The following SEMA5A variants were observed in gnomAD, a reference collection of about 807,000 sequenced individuals.
SEMA5A encodes the protein semaphorin-5A.
Under a neutral mutation model 135.5 loss-of-function variants are expected in SEMA5A, and 55 were observed. That is an observed-to-expected ratio of 0.41 (90% CI 0.33 to 0.51). The LOEUF is 0.51. Among genes scored for constraint, SEMA5A ranks in the 20% least tolerant of loss-of-function variants. SEMA5A has a pLI of 0.37. For missense variants in SEMA5A, 1,290 were observed against 1,419.9 expected (o/e 0.91, Z 1.47); for synonymous variants, 580 against 546.5 (o/e 1.06, Z -0.85).
intron 3 of SEMA5A, among the ~76,000 whole-genome samples, chr5:9,344,445 T>C (rs1047588125): frequency 2.6e-5 from 4 of 152,214 alleles, no homozygotes; most frequent in Non-Finnish European, 5.9e-5. Context: ...TTATCAAAAA[T>C]GGTAGTTGTA....
At chr5:9,117,580 A>C (rs1180821766) in intron 15 of SEMA5A, among the ~76,000 whole-genome samples, 4 of 152,212 alleles carry the variant, frequency 2.6e-5, no homozygotes, top group African/African-American at 7.2e-5. Context: ...AATTTTTTGC[A>C]TAAAACAAAG....
intron 5 of SEMA5A, among the ~76,000 whole-genome samples, chr5:9,301,567 C>T (rs945715511): frequency 2.0e-5 from 3 of 152,108 alleles, no homozygotes; most frequent in South Asian, 4.1e-4. Context: ...TGGAAAGACT[C>T]CATATGGTGA....
At position 9,166,283 on chromosome 5, in the gene SEMA5A, T is replaced by G. The variant is rs956349105; in HGVS notation, c.1274-11588A>C. ...CATAGTAGGTGCTCAAGCAGAGACA[T>G]GTTCATTGTGTGGCCTCTGGGGCAC... On this transcript the variant is annotated intron_variant, in intron 11 of 22. Transcript: ENST00000382496. Among the ~76,000 whole-genome samples the G allele has an allele frequency of 2.0e-5, 3 of 152,076 alleles. No homozygotes were observed. In the East Asian group the frequency reaches 5.8e-4, roughly 29 times the overall value.
intron 11 of SEMA5A, among the ~76,000 whole-genome samples, chr5:9,166,712 C>A (rs1743628023): frequency 6.6e-6 from 1 of 152,150 alleles, no homozygotes; most frequent in African/African-American, 2.4e-5. Context: ...AGGAAATTTA[C>A]CACTGCATTT....
In SEMA5A at chr5:9,037,887, C is replaced by G. The variant is rs1019778465; in HGVS notation, c.*5010G>C. 6.6e-6 allele frequency: 1 copy of G among 152,184 alleles called. No individual in the cohort carries two copies. Among genetic ancestry groups the G allele is most frequent in the Non-Finnish European group, 1.5e-5 (1 of 68,034 alleles). The allele number at this position is 152,184 out of a possible 1,614,324, so 9.4% of individuals were successfully genotyped here. A position where few individuals can be genotyped will look rare whatever the true frequency, so the allele number is the denominator to read the frequency against. The stretch of plus-strand genomic sequence containing the variant: ...TAAATTTCACGATGATCCCCTGTCC[C>G]CAAACATTTTATCTTACATTGTGCA... On this transcript the variant is annotated 3_prime_UTR_variant, in exon 23 of 23. Transcript: ENST00000382496.
chr5:9,221,507 T>G (rs1181049138), intron 8 of SEMA5A, among the ~76,000 whole-genome samples: 5 of 151,674 alleles, frequency 3.3e-5, no homozygotes, highest in Non-Finnish European at 5.9e-5. Context: ...TTTCACAGTG[T>G]TAGCCAGGAT....
At chr5:9,103,532 G>A (rs1203205571) in intron 16 of SEMA5A, among the ~76,000 whole-genome samples, 1 of 152,036 alleles carries the variant, frequency 6.6e-6, no homozygotes, top group Non-Finnish European at 1.5e-5. Context: ...TTTGTATCTA[G>A]GAAATAAATA....
intron 12 of SEMA5A, among the ~76,000 whole-genome samples, chr5:9,141,290 T>C (rs1742052427): frequency 6.6e-6 from 1 of 152,244 alleles, no homozygotes; most frequent in Non-Finnish European, 1.5e-5. Flanking sequence ...GTGGCTTTTC[T>C]GTATTCCACT....
At chr5:9,494,306 T>C (rs1735190010) in intron 1 of SEMA5A, among the ~76,000 whole-genome samples, 1 of 152,152 alleles carries the variant, frequency 6.6e-6, no homozygotes, top group South Asian at 2.1e-4. Context: ...AAATAGAACA[T>C]CAAGGCAGTA....
At chr5:9,379,589 G>C (rs919009113) in intron 3 of SEMA5A, among the ~76,000 whole-genome samples, 1 of 152,204 alleles carries the variant, frequency 6.6e-6, no homozygotes, top group Non-Finnish European at 1.5e-5. Context: ...GAAATAATGA[G>C]ATTTTTTTAC....
chr5:9,444,596 G>A (rs1419104496), intron 1 of SEMA5A, among the ~76,000 whole-genome samples: 1 of 152,036 alleles, frequency 6.6e-6, no homozygotes, highest in East Asian at 1.9e-4. Flanking sequence ...TTCATTGGTG[G>A]GCATTTTGGT....
At chr5:9,383,381 G>A (rs1033593045) in intron 2 of SEMA5A, among the ~76,000 whole-genome samples, 2 of 152,134 alleles carry the variant, frequency 1.3e-5, no homozygotes, top group African/African-American at 2.4e-5. Context: ...ATATCAGTTC[G>A]GGTAAATTAT....
At chr5:9,500,183 CA>C (rs1369295573) in intron 1 of SEMA5A, among the ~76,000 whole-genome samples, 14 of 152,284 alleles carry the variant, frequency 9.2e-5, no homozygotes, top group African/African-American at 3.1e-4. Flanking sequence ...GTCAATTTAG[CA>C]CCAGTTTATA....
intron 5 of SEMA5A, among the ~76,000 whole-genome samples, chr5:9,240,611 C>A (rs980038450): frequency 1.3e-5 from 2 of 151,858 alleles, no homozygotes; most frequent in African/African-American, 4.8e-5. Context: ...TACCTCCTCT[C>A]TGTGGGTTCT....
chr5:9,260,814 T>C (rs1168144921), intron 5 of SEMA5A, among the ~76,000 whole-genome samples: 1 of 60,180 alleles, frequency 1.7e-5, no homozygotes, highest in African/African-American at 5.6e-5. Flanking sequence ...ACTGGAAGCA[T>C]TCCCTTTGAA....
intron 2 of SEMA5A, among the ~76,000 whole-genome samples, chr5:9,394,936 G>T (rs174860): frequency 1.3e-5 from 2 of 151,758 alleles, no homozygotes; most frequent in African/African-American, 4.8e-5. Context: ...AAATAGAGAA[G>T]AAAAACTCCA....
intron 3 of SEMA5A, among the ~76,000 whole-genome samples, chr5:9,375,202 T>C (rs1755313414): frequency 6.6e-6 from 1 of 152,218 alleles, no homozygotes; most frequent in Non-Finnish European, 1.5e-5. Context: ...CTGCCTTTTA[T>C]GTGTCCTCCC....
intron 5 of SEMA5A, among the ~76,000 whole-genome samples, chr5:9,310,152 G>A (rs1320319018): frequency 6.6e-6 from 1 of 152,134 alleles, no homozygotes; most frequent in Non-Finnish European, 1.5e-5. Context: ...TAAAGGAAGA[G>A]AGAGTCACAT....
intron 8 of SEMA5A, among the ~76,000 whole-genome samples, chr5:9,205,933 AG>A (rs1745990117): frequency 6.6e-6 from 1 of 152,234 alleles, no homozygotes; most frequent in Non-Finnish European, 1.5e-5. Flanking sequence ...ACAATGAAAA[AG>A]TGGGAATAAT....
Sources: allele counts gnomAD v4.1 joint callset (sites outside exome capture counted in the v4.1 genomes callset), GRCh38; gene constraint gnomAD v4.1.1; transcripts MANE v1.5; gene names NCBI Gene and HGNC (gene_info 2026-07-23, HGNC 2026-07-21).